The following STOX2 variants were observed in gnomAD, a reference collection of about 807,000 sequenced individuals.
STOX2 encodes the protein storkhead box 2.
A neutral mutation model predicts 60.9 loss-of-function variants in STOX2; 28 were observed. The observed-to-expected ratio is 0.46, with a 90% CI of 0.34 to 0.63. The LOEUF is 0.63. Among genes scored for constraint, STOX2 ranks in the 30% least tolerant of loss-of-function variants. The probability of loss-of-function intolerance (pLI) is 0.01; values close to 1 mark genes in which losing one functional copy is unlikely to be tolerated. For synonymous variants in STOX2, 472 were observed against 463.9 expected (o/e 1.02, Z -0.22); for missense variants, 1,024 against 1,187.7 (o/e 0.86, Z 2.03).
chr4:183,839,600 G>A (rs1211832733), intron 1 of STOX2, among the ~76,000 whole-genome samples: 1 of 152,190 alleles, frequency 6.6e-6, no homozygotes, highest in Non-Finnish European at 1.5e-5. Flanking sequence ...AGTTGAGAAA[G>A]TTACTGTGAC....
chr4:184,013,263 T>C (rs994433365), intron 3 of STOX2, among the ~76,000 whole-genome samples: 10 of 152,368 alleles, frequency 6.6e-5, no homozygotes, highest in African/African-American at 2.4e-4. Context: ...TAAACAGAGA[T>C]ATTCATGAAA....
chr4:184,019,057 A>C lies in STOX2; in HGVS notation c.*1773A>C, dbSNP rs531974556. The C allele has an allele frequency of 2.9e-4, 44 of 152,350 alleles. No homozygotes were observed. The highest frequency in any genetic ancestry group is 1.0e-3 in the African/African-American group (42 of 41,592). The allele number at this position is 152,350 out of a possible 1,614,324, so 9.4% of individuals were successfully genotyped here. The stretch of plus-strand genomic sequence containing the variant: ...CTGTTTAAAGAATCCAGTCCTATAC[A>C]CAGTTGGACTCATTCTTGAAACCTT... On this transcript the variant is annotated 3_prime_UTR_variant, in exon 4 of 4. Coordinates refer to ENST00000308497, the MANE Select transcript of STOX2 (RefSeq NM_020225.3).
intron 1 of STOX2, among the ~76,000 whole-genome samples, chr4:183,951,043 G>A (rs1027597114): frequency 2.0e-5 from 3 of 151,670 alleles, no homozygotes; most frequent in Admixed American, 1.3e-4. Flanking sequence ...GTGAAACCCC[G>A]TCTCTACTAA....
intron 1 of STOX2, among the ~76,000 whole-genome samples, chr4:183,894,589 A>G (rs1741299994): frequency 6.6e-6 from 1 of 152,124 alleles, no homozygotes; most frequent in African/African-American, 2.4e-5. Flanking sequence ...TTGATAAAGC[A>G]GGAAACTATT....
rs1327524755 is a variant in STOX2, at chr4:183,806,766, T to C, written c.364+8711T>C. ...ACACCTCTGCCTTTCTACTTCTAAA[T>C]AAGGTCCGCCGCCGTCCAAATTTTG... On this transcript the variant is annotated intron_variant, in intron 1 of 2. Coordinates refer to the STOX2 transcript ENST00000513034. The surrounding 1 kb of genome is among the most constrained non-coding windows in gnomAD (Gnocchi z 4.1). 3.3e-5 allele frequency among the ~76,000 whole-genome samples: 5 copies of C among 152,178 alleles called. No homozygotes were observed. The East Asian group carries it at 9.6e-4, about 29-fold the overall frequency.
At chr4:183,883,415 G>A (rs1741001804) in intron 1 of STOX2, among the ~76,000 whole-genome samples, 1 of 151,796 alleles carries the variant, frequency 6.6e-6, no homozygotes. Context: ...CGCCTCCCAG[G>A]TTCATGCCAT....
chr4:184,012,870 A>AT (rs1237096444), intron 3 of STOX2, among the ~76,000 whole-genome samples: 1 of 152,200 alleles, frequency 6.6e-6, no homozygotes, highest in Non-Finnish European at 1.5e-5. Context: ...TTTCTGATTT[A>AT]TTTTAACTAT....
chr4:183,925,516 A>G (rs1222013248), intron 1 of STOX2, among the ~76,000 whole-genome samples: 3 of 152,126 alleles, frequency 2.0e-5, no homozygotes, highest in Non-Finnish European at 4.4e-5. Flanking sequence ...TTGCTTGAAG[A>G]ATAATTCCAG....
chr4:183,873,462 A>AT (rs1157237572), intron 1 of STOX2, among the ~76,000 whole-genome samples: 2 of 151,410 alleles, frequency 1.3e-5, no homozygotes, highest in African/African-American at 2.4e-5. Context: ...AAAAAAAAAA[A>AT]AAGGGAGGAT....
Position 184,021,085 on chromosome 4 carries a change from A to AT in STOX2, c.*3807dup, listed in dbSNP as rs1560952704. ...TATTGCTCATAATACAATAGTGATCATTTTTTGAAAGTCTTGCCATTTATA... is the reference window on the plus strand; with the variant it reads ...TATTGCTCATAATACAATAGTGATCATTTTTTTGAAAGTCTTGCCATTTATA... On this transcript the variant is annotated 3_prime_UTR_variant, in exon 4 of 4. Coordinates refer to ENST00000308497, the MANE Select transcript of STOX2 (RefSeq NM_020225.3). 6.6e-6 allele frequency: 1 copy of AT among 152,224 alleles called. No homozygotes were observed. The highest frequency in any genetic ancestry group is 6.5e-5 in the Admixed American group (1 of 15,292). 9.4% of individuals were successfully genotyped at this position (152,224 alleles called of 1,614,324 possible). A position where few individuals can be genotyped will look rare whatever the true frequency, so the allele number is the denominator to read the frequency against.
intron 1 of STOX2, among the ~76,000 whole-genome samples, chr4:183,927,710 G>T (rs1265542644): frequency 6.6e-6 from 1 of 152,158 alleles, no homozygotes; most frequent in Non-Finnish European, 1.5e-5. Flanking sequence ...TTTTTGATAG[G>T]AGGTAGGAGG....
intron 1 of STOX2, among the ~76,000 whole-genome samples, chr4:183,980,872 G>C (rs1732636608): frequency 6.6e-6 from 1 of 152,000 alleles, no homozygotes; most frequent in South Asian, 2.1e-4. Context: ...CCATCTTGCA[G>C]GGAAGGAATG....
intron 3 of STOX2, chr4:184,015,673 G>A (rs1220072473): frequency 6.6e-6 from 1 of 152,250 alleles, no homozygotes; most frequent in Admixed American, 6.5e-5. Flanking sequence ...ATCAGCCGAG[G>A]ATGGGAATGA....
chr4:183,924,841 G>A (rs1294371603), intron 1 of STOX2, among the ~76,000 whole-genome samples: 5 of 152,104 alleles, frequency 3.3e-5, no homozygotes, highest in Admixed American at 3.3e-4. Context: ...AAGAGGTCAT[G>A]GGCAAGATAC....
chr4:183,994,773 A>C lies in STOX2; in HGVS notation c.167-6552A>C, dbSNP rs985204525. Among the ~76,000 whole-genome samples, 6 of 152,330 alleles carry C rather than the reference A, an allele frequency of 3.9e-5. No homozygotes were observed. The East Asian group carries it at 1.2e-3, about 29-fold the overall frequency. On this transcript the variant is annotated intron_variant, in intron 1 of 3. Coordinates refer to ENST00000308497, the MANE Select transcript of STOX2 (RefSeq NM_020225.3). ...GAATTTCTCAATTATAAACTAGTAC[A>C]GTTTCAGAACCACATTCTTAAGTGG...
chr4:183,902,718 C>T (rs532562686), upstream of STOX2, among the ~76,000 whole-genome samples: 1 of 152,330 alleles, frequency 6.6e-6, no homozygotes, highest in South Asian at 2.1e-4. Context: ...TTTCACAATA[C>T]GCTGTTTGCT....
intron 1 of STOX2, among the ~76,000 whole-genome samples, chr4:183,950,093 A>C (rs72695394): frequency 0.041 from 6,202 of 152,358 alleles, 184 homozygotes; most frequent in South Asian, 0.095. Flanking sequence ...TGCTAACTGC[A>C]TTACACTCTT....
At chr4:183,951,820 G>GT (rs1381115129) in intron 1 of STOX2, among the ~76,000 whole-genome samples, 2 of 152,092 alleles carry the variant, frequency 1.3e-5, no homozygotes, top group Non-Finnish European at 2.9e-5. Flanking sequence ...GTGCATGCCT[G>GT]TAGTTCCAGC....
Position 183,805,159 on chromosome 4 carries a change from TCA to T in STOX2, c.364+7111_364+7112del, listed in dbSNP as rs60120547. ...AAATGTCTTCAGTCTGCCTAAAATA[TCA>T]CACACAGTGATGATCTGGTCACCTT... is the stretch of plus-strand genomic sequence containing the variant. On this transcript the variant is annotated intron_variant, in intron 1 of 2. Coordinates refer to the STOX2 transcript ENST00000513034. Among the ~76,000 whole-genome samples the T allele has an allele frequency of 6.9e-3, 1,046 of 152,356 alleles. 18 individuals carry two copies. The highest frequency in any genetic ancestry group is 0.024 in the African/African-American group (1,001 of 41,576).
Sources: allele counts gnomAD v4.1 joint callset (sites outside exome capture counted in the v4.1 genomes callset), GRCh38; gene constraint gnomAD v4.1.1; non-coding constraint Gnocchi (gnomAD v3.1); transcripts MANE v1.5; gene names NCBI Gene and HGNC (gene_info 2026-07-23, HGNC 2026-07-21).